Variants in CATSPERG observed in about 807,000 individuals in gnomAD.
CATSPERG encodes catsper channel auxiliary subunit gamma.
In CATSPERG, 115 loss-of-function variants were observed where a neutral mutation model predicts 145.0. The observed-to-expected ratio is 0.79, with a 90% CI of 0.68 to 0.93. The LOEUF (loss-of-function observed/expected upper bound fraction) is 0.93, where lower values mean the gene tolerates loss of function less well. Ranked by LOEUF, CATSPERG falls within the 40% of genes least tolerant of loss-of-function variation. The pLI, the probability that CATSPERG is intolerant of heterozygous loss-of-function variation, is 0.00. For synonymous variants in CATSPERG, 588 were observed against 589.0 expected, an observed-to-expected ratio of 1.00 and a Z score of 0.02; for missense variants, 1,296 against 1,490.1, an observed-to-expected ratio of 0.87 and a Z score of 2.14.
intron 3 of CATSPERG, among the ~76,000 whole-genome samples, chr19:38,341,406 A>G (rs972574376): frequency 5.9e-5 from 9 of 152,282 alleles, no homozygotes; most frequent in Non-Finnish European, 7.3e-5. Flanking sequence ...CTGCCCCACT[A>G]GCACCTTCTC....
chr19:38,359,886 A>G, intron 14 of CATSPERG: 1 of 1,119,750 alleles, frequency 8.9e-7, no homozygotes, highest in Non-Finnish European at 1.1e-6. Flanking sequence ...GCTGGAGAAC[A>G]CAGAGTGATC....
At position 38,353,266 on chromosome 19, in the gene CATSPERG, A is replaced by G. The variant is rs539236220; in HGVS notation, c.997+834A>G. Among the ~76,000 whole-genome samples the G allele has an allele frequency of 1.9e-3, 287 of 150,044 alleles. 1 individual carries two copies. Among genetic ancestry groups the G allele is most frequent in the Non-Finnish European group, 3.2e-3 (219 of 67,420 alleles). The stretch of plus-strand genomic sequence containing the variant: ...GGAGAATTGCTTGAACCCAGGAAGC[A>G]GAGCTTGCAGTGAGCTGAGTTCACG... On this transcript the variant is annotated intron_variant, in intron 8 of 28. Transcript: ENST00000409235.
intron 8 of CATSPERG, among the ~76,000 whole-genome samples, chr19:38,353,027 CAAA>C (rs61080753): frequency 0.26 from 15,658 of 60,746 alleles, 990 homozygotes; most frequent in East Asian, 0.36. Flanking sequence ...GACCCTGTTT[CAAA>C]AAAAAAAAAA....
At chr19:38,358,225 G>A in intron 11 of CATSPERG, 53 bp from the exon 12 acceptor site, 3 of 1,591,180 alleles carry the variant, frequency 1.9e-6, no homozygotes, top group Non-Finnish European at 2.6e-6. Flanking sequence ...CCAGCTCCAG[G>A]TTTTGAAAGT....
chr19:38,351,990 G>A (rs890184723), intron 7 of CATSPERG, among the ~76,000 whole-genome samples: 8 of 152,300 alleles, frequency 5.3e-5, no homozygotes, highest in African/African-American at 1.7e-4. Context: ...CACAAGGACC[G>A]CTAAGGACCG....
intron 22 of CATSPERG, chr19:38,365,397 A>T (rs973704194): frequency 2.7e-6 from 1 of 374,022 alleles, no homozygotes; most frequent in African/African-American, 2.1e-5. Context: ...CAGCCTCCCA[A>T]GTAGCTGGGA....
rs904970938 is a variant in CATSPERG, at chr19:38,343,513, G to C, written c.325-67G>C. The C allele has an allele frequency of 2.9e-6, 4 of 1,401,874 alleles. No homozygotes were observed. In the Admixed American group the frequency reaches 9.6e-5, roughly 33 times the overall value. The allele number at this position is 1,401,874 out of a possible 1,614,324, so 86.8% of individuals were successfully genotyped here. On this transcript the variant is annotated intron_variant, in intron 3 of 28. Coordinates refer to ENST00000409235, the MANE Select transcript of CATSPERG (RefSeq NM_021185.5). ...GCCCAGGAGACAGACTGTTAGAGGC[G>C]GGCTTAAGGCAGGGGGCACCCAGAG...
chr19:38,359,569 A>T lies in CATSPERG; in HGVS notation c.1596A>T (p.Thr532=). 6.2e-7 allele frequency: 1 copy of T among 1,612,824 alleles called. No individual in the cohort carries two copies. The highest frequency in any genetic ancestry group is 2.2e-5 in the East Asian group (1 of 44,850). ...RSFRGAVAIV[T]ETEEIWYLLE... ...TCCGTGGGGCTGTGGCTATTGTCAC[A>T]GAGACGGAGGAGGTGGGCTGCCCCG... is the stretch of plus-strand genomic sequence containing the variant. The change falls in exon 14 of 29, where the codon ACA becomes ACT. Residue 532 remains threonine (T), a synonymous_variant. Coordinates refer to ENST00000409235, the MANE Select transcript of CATSPERG (RefSeq NM_021185.5).
chr19:38,364,753 C>T (rs1342204334), intron 20 of CATSPERG, 138 bp from the exon 21 acceptor site: 1 of 708,538 alleles, frequency 1.4e-6, no homozygotes, highest in African/African-American at 1.7e-5. Context: ...TAGCCTATTC[C>T]TGAGTAGAAA....
intron 8 of CATSPERG, among the ~76,000 whole-genome samples, chr19:38,353,202 T>G (rs1016610790): frequency 2.6e-5 from 4 of 151,422 alleles, no homozygotes; most frequent in Non-Finnish European, 5.9e-5. Context: ...GGCATTGTGG[T>G]GGGCACCTGT....
chr19:38,367,660 G>T, intron 24 of CATSPERG, 21 bp from the exon 25 acceptor site: 1 of 1,613,746 alleles, frequency 6.2e-7, no homozygotes, highest in Non-Finnish European at 8.5e-7. Context: ...GCCAGTCTGT[G>T]TGCACTTCTG....
intron 12 of CATSPERG, 29 bp from the exon 13 acceptor site, chr19:38,358,403 T>C: frequency 6.2e-7 from 1 of 1,614,160 alleles, no homozygotes; most frequent in Non-Finnish European, 8.5e-7. Context: ...ACTTCACTGC[T>C]GTGTCCTCTC....
rs1491474100 is a variant in CATSPERG at position 38,344,902 on chromosome 19, T to TATATATATA, written c.669+534_669+535insATATATATA. ...ACACACATATATATATATATATATA[T>TATATATATA]TTTTTTTTTTTTTTTTTTTTTTGAG... On this transcript the variant is annotated intron_variant, in intron 6 of 28. Coordinates refer to ENST00000409235, the MANE Select transcript of CATSPERG (RefSeq NM_021185.5). Among the ~76,000 whole-genome samples the TATATATATA allele has an allele frequency of 3.5e-4, 23 of 64,810 alleles. 1 individual carries two copies. The highest frequency in any genetic ancestry group is 5.3e-4 in the Non-Finnish European group (17 of 32,290). The allele number at this position is 64,810 out of a possible 152,430, so 42.5% of individuals were successfully genotyped here.
chr19:38,367,696 G>C lies in CATSPERG; in HGVS notation c.2850G>C (p.Val950=). The C allele has an allele frequency of 6.2e-7, 1 of 1,614,122 alleles. No individual in the cohort carries two copies. Among genetic ancestry groups the C allele is most frequent in the East Asian group, 2.2e-5 (1 of 44,880 alleles). Reference sequence around the variant, plus strand: ...TCCCTGGTAGCTATGTTCTGCTGGTGGTGGGTGGCGGGCCCACACTGGACA... The same window carrying C: ...TCCCTGGTAGCTATGTTCTGCTGGTCGTGGGTGGCGGGCCCACACTGGACA... The part of the protein sequence containing the change: ...GSFQGSYVLL[V]VGGGPTLDSL... Residue 950 remains valine (V), a synonymous_variant, in exon 25 of 29, where the codon GTG becomes GTC. Transcript: ENST00000409235.
chr19:38,358,239 G>A (rs1970281224), intron 11 of CATSPERG, 39 bp from the exon 12 acceptor site: 1 of 1,608,578 alleles, frequency 6.2e-7, no homozygotes, highest in Non-Finnish European at 8.5e-7. Context: ...TGAAAGTGCA[G>A]GGCCTCAGGA....
At chr19:38,343,894 C>G in intron 4 of CATSPERG, 99 bp from the exon 5 acceptor site, 1 of 1,459,090 alleles carries the variant, frequency 6.9e-7, no homozygotes, top group South Asian at 1.3e-5. Flanking sequence ...GGCGTGGAGG[C>G]AGGTATGGGG....
At chr19:38,342,736 C>T (rs980684565) in intron 3 of CATSPERG, among the ~76,000 whole-genome samples, 1 of 151,874 alleles carries the variant, frequency 6.6e-6, no homozygotes, top group African/African-American at 2.4e-5. Flanking sequence ...CAAGGCCTCC[C>T]CTTGGTGGCC....
At chr19:38,352,591 T>TG in intron 8 of CATSPERG, 159 bp downstream of exon 8, 1 of 556,688 alleles carries the variant, frequency 1.8e-6, no homozygotes, top group Non-Finnish European at 3.1e-6. Flanking sequence ...GGCCTTGCCT[T>TG]GCCCTTTTTT....
At position 38,367,191 on chromosome 19, in the gene CATSPERG, C is replaced by T; in HGVS notation, c.2649C>T (p.Pro883=). 6.2e-7 allele frequency: 1 copy of T among 1,613,774 alleles called. No individual in the cohort carries two copies. Among genetic ancestry groups the T allele is most frequent in the Non-Finnish European group, 8.5e-7 (1 of 1,179,916 alleles). ...NLMVPVFIGC[P]PGKRLAFDIT... is the part of the protein sequence containing the mutation. ...TGGTGCCAGTGTTCATTGGCTGCCC[C>T]CCAGGCAAGCGCCTGGCCTTCGACA... The change falls in exon 23 of 29, where the codon CCC becomes CCT. Residue 883 remains proline, a synonymous_variant. Coordinates refer to ENST00000409235, the MANE Select transcript of CATSPERG (RefSeq NM_021185.5).
Sources: gnomAD v4.1 joint callset for allele counts (sites outside exome capture counted in the v4.1 genomes callset) on GRCh38, gnomAD v4.1.1 for gene constraint, MANE v1.5 for transcripts, NCBI Gene and HGNC (gene_info 2026-07-23, HGNC 2026-07-21) for gene names.